ARID1B: variants seen among roughly 807,000 people sequenced by gnomAD.
ARID1B encodes the protein AT-rich interactive domain-containing protein 1B.
Under a neutral mutation model 212.3 loss-of-function variants are expected in ARID1B, and 30 were observed. The ratio of observed to expected loss-of-function variants is 0.14; its 90% confidence interval spans 0.11 to 0.19. ARID1B has a LOEUF of 0.19. Ranked by LOEUF, ARID1B falls within the 10% of genes least tolerant of loss-of-function variation. The pLI is 1.00. For missense variants in ARID1B, 2,891 were observed against 3,204.0 expected (o/e 0.90, Z 2.36); for synonymous variants, 1,402 against 1,301.7 (o/e 1.08, Z -1.66).
chr6:157,095,868 A>T (rs1052183079), intron 5 of ARID1B, among the ~76,000 whole-genome samples: 1 of 152,060 alleles, frequency 6.6e-6, no homozygotes, highest in African/African-American at 2.4e-5. Flanking sequence ...AAAGTATCAC[A>T]TTTTAAGAGA....
intron 5 of ARID1B, among the ~76,000 whole-genome samples, chr6:157,105,405 A>C (rs955132984): frequency 1.3e-5 from 2 of 151,686 alleles, no homozygotes; most frequent in African/African-American, 4.9e-5. Flanking sequence ...GATATTCACA[A>C]TATATACCAC....
chr6:156,896,576 CAAAAAA>C (rs72490811), intron 2 of ARID1B, among the ~76,000 whole-genome samples: 98 of 45,914 alleles, frequency 2.1e-3, no homozygotes, highest in African/African-American at 9.6e-3. Context: ...AACTGCGTCT[CAAAAAA>C]AAAAAAAAAA....
Position 156,779,147 on chromosome 6 carries a change from C to G in ARID1B, c.1467C>G (p.Ala489=). 7.8e-7 allele frequency: 1 copy of G among 1,285,438 alleles called. No individual in the cohort carries two copies. The highest frequency in any genetic ancestry group is 9.9e-7 in the Non-Finnish European group (1 of 1,012,418). 79.6% of individuals were successfully genotyped at this position (1,285,438 alleles called of 1,614,324 possible). A position where few individuals can be genotyped will look rare whatever the true frequency, so the allele number is the denominator to read the frequency against. Reference sequence around the variant, plus strand: ...CGGCGGGGGGCTTCCAGCGCTTCGCCGGCCAGAACCAGCACCCGTCGGGGG... The same window carrying G: ...CGGCGGGGGGCTTCCAGCGCTTCGCGGGCCAGAACCAGCACCCGTCGGGGG... ...GSAAGGFQRF[A]GQNQHPSGAT... Residue 489 remains alanine (A), a synonymous_variant, in exon 1 of 20, where the codon GCC becomes GCG. Coordinates refer to ENST00000636930, the MANE Select transcript of ARID1B (RefSeq NM_001374828.1).
intron 4 of ARID1B, among the ~76,000 whole-genome samples, chr6:157,061,768 AT>A (rs1189305747): frequency 6.6e-6 from 1 of 152,216 alleles, no homozygotes; most frequent in Non-Finnish European, 1.5e-5. Flanking sequence ...TCCTTAAATA[AT>A]ATACCAGAAA....
intron 4 of ARID1B, among the ~76,000 whole-genome samples, chr6:157,003,867 T>A (rs199685979): frequency 0.011 from 1,568 of 148,026 alleles, 12 homozygotes; most frequent in South Asian, 0.026. Flanking sequence ...TAAAAAAAAA[T>A]TTTTTTTTTT....
chr6:157,125,092 C>T (rs1326728377), intron 6 of ARID1B, among the ~76,000 whole-genome samples: 6 of 152,102 alleles, frequency 3.9e-5, no homozygotes, highest in Admixed American at 6.5e-5. Flanking sequence ...CAGGGTAGGG[C>T]GGCAGACTCG....
chr6:157,157,761 G>A (rs1389759191), intron 8 of ARID1B, among the ~76,000 whole-genome samples: 5 of 152,156 alleles, frequency 3.3e-5, no homozygotes, highest in South Asian at 2.1e-4. Context: ...AGTGGCTCAC[G>A]CCCGTAATCC....
At chr6:157,128,948 C>G (rs1196295803) in intron 6 of ARID1B, among the ~76,000 whole-genome samples, 1 of 152,148 alleles carries the variant, frequency 6.6e-6, no homozygotes, top group East Asian at 1.9e-4. Flanking sequence ...CCTTTTTAAC[C>G]CTTTATAATC....
chr6:156,944,209 G>C (rs1792887066), intron 4 of ARID1B, among the ~76,000 whole-genome samples: 1 of 152,206 alleles, frequency 6.6e-6, no homozygotes. Context: ...AGTGAGTAAA[G>C]TGCGGGTACA....
rs946661948 is a variant in ARID1B at position 157,094,230 on chromosome 6, G to A, written c.2491+9325G>A. Among the ~76,000 whole-genome samples, 15 of 152,130 alleles carry A rather than the reference G, an allele frequency of 9.9e-5. No homozygotes were observed. The highest frequency in any genetic ancestry group is 2.6e-4 in the Admixed American group (4 of 15,288). On this transcript the variant is annotated intron_variant, in intron 5 of 19. Coordinates refer to ENST00000636930, the MANE Select transcript of ARID1B (RefSeq NM_001374828.1). This position sits in a 1 kb window ranked among gnomAD's most constrained non-coding sequence, Gnocchi z 4.3. ...TAGTATTGTGCTTAGTGTGTTGGGC[G>A]GCGAACACCAGGAAATCAGTGTAGC...
At chr6:156,963,691 A>T (rs764408878) in intron 4 of ARID1B, among the ~76,000 whole-genome samples, 65 of 152,208 alleles carry the variant, frequency 4.3e-4, no homozygotes, top group Non-Finnish European at 7.1e-4. Context: ...AAAACCATGG[A>T]AGAGTTTGTT....
chr6:156,967,468 CTTT>C, intron 4 of ARID1B, among the ~76,000 whole-genome samples: 1 of 152,208 alleles, frequency 6.6e-6, no homozygotes, highest in African/African-American at 2.4e-5. Flanking sequence ...CCTCCTGATG[CTTT>C]TGTCTTTTGA....
At chr6:157,123,271 G>A (rs1193199043) in intron 6 of ARID1B, among the ~76,000 whole-genome samples, 1 of 125,664 alleles carries the variant, frequency 8.0e-6, no homozygotes, top group African/African-American at 3.2e-5. Flanking sequence ...GCAAACTCTG[G>A]GGAATCTGCC....
At chr6:156,815,892 G>T (rs929908727) in intron 1 of ARID1B, among the ~76,000 whole-genome samples, 2 of 152,284 alleles carry the variant, frequency 1.3e-5, no homozygotes, top group East Asian at 1.9e-4. Context: ...TGTCATCCTG[G>T]TTCATGTTTT....
In ARID1B at chr6:157,094,181, G is replaced by A. The variant is rs112747798; in HGVS notation, c.2491+9276G>A. On this transcript the variant is annotated intron_variant, in intron 5 of 19. Coordinates refer to ENST00000636930, the MANE Select transcript of ARID1B (RefSeq NM_001374828.1). This position sits in a 1 kb window ranked among gnomAD's most constrained non-coding sequence, Gnocchi z 4.3. ...GGGAAAGGAGATCCAGGCAGAGAAC[G>A]GAGCAAACTCAAAGGCCCTGAGTTA... Among the ~76,000 whole-genome samples, 313 of 152,220 alleles carry A rather than the reference G, an allele frequency of 2.1e-3. 2 individuals are homozygous for A. The highest frequency in any genetic ancestry group is 7.1e-3 in the African/African-American group (295 of 41,544).
chr6:156,966,198 T>C (rs1794727779), intron 4 of ARID1B, among the ~76,000 whole-genome samples: 1 of 152,202 alleles, frequency 6.6e-6, no homozygotes, highest in Non-Finnish European at 1.5e-5. Context: ...GAAATTTACA[T>C]TAAATTCCTA....
chr6:157,021,968 C>G (rs992655770), intron 4 of ARID1B, among the ~76,000 whole-genome samples: 10 of 152,214 alleles, frequency 6.6e-5, no homozygotes, highest in Admixed American at 6.5e-5. Flanking sequence ...TCCCCTACTT[C>G]CTTTGGTGCA....
intron 4 of ARID1B, among the ~76,000 whole-genome samples, chr6:157,012,728 G>A (rs1779688457): frequency 6.6e-6 from 1 of 152,176 alleles, no homozygotes; most frequent in Non-Finnish European, 1.5e-5. Context: ...TATGAAATAA[G>A]AAGTTATACT....
At chr6:157,092,850 G>C (rs1316786462) in intron 5 of ARID1B, among the ~76,000 whole-genome samples, 1 of 152,192 alleles carries the variant, frequency 6.6e-6, no homozygotes, top group African/African-American at 2.4e-5. Flanking sequence ...AATCTCAGCA[G>C]TGACTCATGT....
Sources: gnomAD v4.1 joint callset for allele counts (sites outside exome capture counted in the v4.1 genomes callset) on GRCh38, gnomAD v4.1.1 for gene constraint, Gnocchi (gnomAD v3.1) non-coding constraint, MANE v1.5 for transcripts, NCBI Gene and HGNC (gene_info 2026-07-23, HGNC 2026-07-21) for gene names.